BTK: variants seen among roughly 807,000 people sequenced by gnomAD.
BTK encodes tyrosine-protein kinase BTK.
BTK carries 5 observed loss-of-function variants against 57.4 expected under a neutral mutation model. The observed-to-expected ratio is 0.09, with a 90% CI of 0.05 to 0.18. BTK has a LOEUF of 0.18. Ranked by LOEUF, BTK falls within the 10% of genes least tolerant of loss-of-function variation. The pLI is 1.00. For missense variants in BTK, 194 were observed against 501.2 expected (o/e 0.39, Z 5.85); for synonymous variants, 154 against 174.3 (o/e 0.88, Z 0.92).
chrX:101,351,407 GA>G (rs782199480), intron 18 of BTK, among the ~76,000 whole-genome samples: 163 of 111,955 alleles, frequency 1.5e-3, no homozygotes, highest in Non-Finnish European at 2.5e-3. Flanking sequence ...TTAATTAGCA[GA>G]GTAAGAAGGT....
chrX:101,356,773 C>G lies in BTK; in HGVS notation c.1349+11G>C. On this transcript the variant is annotated intron_variant, in intron 14 of 18. Coordinates refer to ENST00000308731, the MANE Select transcript of BTK (RefSeq NM_000061.3). Reference sequence around the variant, plus strand: ...AAATAGATTGAGAGTTGAGTTTGGGCTATAACTCACATCATGACTTTGGCT... The same window carrying G: ...AAATAGATTGAGAGTTGAGTTTGGGGTATAACTCACATCATGACTTTGGCT... 1 of 1,211,335 alleles carries G rather than the reference C, an allele frequency of 8.3e-7. No individual in the cohort carries two copies. The highest frequency in any genetic ancestry group is 2.3e-4 in the Middle Eastern group (1 of 4,354).
intron 18 of BTK, among the ~76,000 whole-genome samples, chrX:101,351,236 C>T (rs782307769): frequency 8.9e-5 from 10 of 112,050 alleles, no homozygotes; most frequent in African/African-American, 1.6e-4. Flanking sequence ...CCACGTGATC[C>T]GCTTGCCTTG....
intron 1 of BTK, among the ~76,000 whole-genome samples, chrX:101,376,332 A>G (rs1329720674): frequency 8.9e-6 from 1 of 112,400 alleles, no homozygotes; most frequent in Non-Finnish European, 1.9e-5. Context: ...ATGCTGTCAT[A>G]AAAATAGAAC....
Position 101,349,901 on chromosome X carries a change from A to G in BTK, c.1964T>C (p.Met655Thr). 8.3e-7 allele frequency: 1 copy of G among 1,209,444 alleles called. No homozygotes were observed. Among genetic ancestry groups the G allele is most frequent in the Non-Finnish European group, 1.1e-6 (1 of 893,698 alleles). The part of the protein sequence containing the change: ...KILLSNILDV[M>T]DEES ...TTGGCGAGCTCAGGATTCTTCATCC[A>G]TGACATCTAGAATATTGCTCAGAAG... Residue 655 changes from methionine to threonine, a missense_variant, in exon 19 of 19, where the codon ATG (methionine) becomes ACG (threonine). Met to Thr is a moderately conservative substitution (Grantham distance 81). This residue lies in a region of BTK where 79 missense variants were observed against 217.7 expected (regional missense o/e 0.36). Coordinates refer to ENST00000308731, the MANE Select transcript of BTK (RefSeq NM_000061.3).
rs1159166329 is a variant in BTK at position 101,386,052 on chromosome X, C to G, written c.-31+10G>C. The G allele has an allele frequency of 2.7e-5, 3 of 111,356 alleles. No individual in the cohort carries two copies. The highest frequency in any genetic ancestry group is 5.7e-5 in the Non-Finnish European group (3 of 53,041). The allele number at this position is 111,356 out of a possible 1,213,427, so 9.2% of individuals were successfully genotyped here. A position where few individuals can be genotyped will look rare whatever the true frequency, so the allele number is the denominator to read the frequency against. On this transcript the variant is annotated intron_variant, in intron 1 of 18. Coordinates refer to ENST00000308731, the MANE Select transcript of BTK (RefSeq NM_000061.3). ...GCTGCTGCCCAGCCCCTGCCATACC[C>G]CAGACCCACCTCAGTCCTGACTTAA...
rs1555976755 is a variant in BTK at position 101,349,905 on chromosome X, C to T, written c.1960G>A (p.Val654Ile). Residue 654 changes from valine to isoleucine, a missense_variant, in exon 19 of 19, where the codon GTC becomes ATC. By Grantham distance (29) the Val-to-Ile change is conservative. Around this residue, in one of 3 missense-constraint regions of BTK, gnomAD observed 79 missense variants for 217.7 expected, o/e 0.36. Transcript: ENST00000308731. ...CGAGCTCAGGATTCTTCATCCATGACATCTAGAATATTGCTCAGAAGAATT... is the reference window on the plus strand; with the variant it reads ...CGAGCTCAGGATTCTTCATCCATGATATCTAGAATATTGCTCAGAAGAATT... ...FKILLSNILD[V>I]MDEES 1 of 1,209,510 alleles carries T rather than the reference C, an allele frequency of 8.3e-7. No individual in the cohort carries two copies. The highest frequency in any genetic ancestry group is 2.2e-5 in the Admixed American group (1 of 45,901).
chrX:101,359,125 G>A (rs1335826685), intron 10 of BTK, among the ~76,000 whole-genome samples, 168 bp downstream of exon 10: 1 of 111,675 alleles, frequency 9.0e-6, no homozygotes, highest in African/African-American at 3.3e-5. Context: ...GTGACAGACC[G>A]AGAGTCCGTC....
intron 15 of BTK, chrX:101,355,557 T>TCTCGGTGGTCGCCGTATCA: frequency 7.5e-6 from 1 of 132,809 alleles, no homozygotes. Flanking sequence ...ACGGTGTAGA[T>TCTCGGTGGTCGCCGTATCA]TTTCAAGAGA....
intron 3 of BTK, among the ~76,000 whole-genome samples, chrX:101,371,934 T>C (rs1273842188): frequency 8.9e-6 from 1 of 112,086 alleles, no homozygotes; most frequent in Non-Finnish European, 1.9e-5. Context: ...TGGAGGTTTC[T>C]AAAAAATTGT....
In BTK at chrX:101,368,008, C is replaced by T. The variant is rs1483293309; in HGVS notation, c.391+1990G>A. 4.5e-5 allele frequency among the ~76,000 whole-genome samples: 5 copies of T among 112,007 alleles called. No homozygotes were observed. The Admixed American group carries it at 4.8e-4, about 11-fold the overall frequency. ...CTTATCCCAGTCTCTGCAAATATTT[C>T]TGTGGCTGGAGATAGTATATTGGTT... On this transcript the variant is annotated intron_variant, in intron 5 of 18. Transcript: ENST00000308731.
At position 101,375,237 on chromosome X, in the gene BTK, C is replaced by T. The variant is rs782558778; in HGVS notation, c.48G>A (p.Gln16=). ...AGTTTAGAGGTGATGTTTTCTTTTT[C>T]TGTTGGGATCGCTTCAGAAAGATGC... is the stretch of plus-strand genomic sequence containing the variant. The part of the protein sequence containing the change: ...LESIFLKRSQ[Q]KKKTSPLNFK... Residue 16 remains glutamine, a synonymous_variant, in exon 2 of 19, where the codon CAG becomes CAA. Coordinates refer to ENST00000308731, the MANE Select transcript of BTK (RefSeq NM_000061.3). 8.3e-7 allele frequency: 1 copy of T among 1,211,559 alleles called. No homozygotes were observed. The highest frequency in any genetic ancestry group is 1.8e-5 in the South Asian group (1 of 56,996).
At chrX:101,371,606 G>A (rs376991800) in intron 4 of BTK, 27 bp downstream of exon 4, 62 of 1,183,143 alleles carry the variant, frequency 5.2e-5, no homozygotes, top group Non-Finnish European at 6.5e-5. Flanking sequence ...GGGGCCTTTC[G>A]AGATTTGGTG....
intron 3 of BTK, among the ~76,000 whole-genome samples, chrX:101,373,816 C>T (rs782798115): frequency 5.4e-5 from 6 of 111,195 alleles, no homozygotes; most frequent in East Asian, 5.6e-4. Context: ...CCGAGACAGG[C>T]GGATCACTTG....
At chrX:101,365,647 G>A (rs1926828456) in intron 5 of BTK, among the ~76,000 whole-genome samples, 1 of 112,365 alleles carries the variant, frequency 8.9e-6, no homozygotes, top group Non-Finnish European at 1.9e-5. Context: ...ATATTTATGA[G>A]GTTAATGTCT....
Position 101,374,587 on chromosome X carries a change from A to G in BTK, c.189T>C (p.Cys63=), listed in dbSNP as rs782683829. 2.5e-6 allele frequency: 3 copies of G among 1,210,016 alleles called. No individual in the cohort carries two copies. The East Asian group carries it at 8.9e-5, about 36-fold the overall frequency. ...KGSIDVEKIT[C]VETVVPEKNP... is the part of the protein sequence containing the mutation. ...TTTTTTCAGGAACCACTGTTTCAAC[A>G]CAAGTGATCTTCTCAACATCTATTG... Residue 63 remains cysteine, a synonymous_variant, in exon 3 of 19, where the codon TGT becomes TGC. Coordinates refer to ENST00000308731, the MANE Select transcript of BTK (RefSeq NM_000061.3).
At chrX:101,374,823 A>G (rs996769332) in intron 2 of BTK, among the ~76,000 whole-genome samples, 189 bp from the exon 3 acceptor site, 6 of 111,740 alleles carry the variant, frequency 5.4e-5, no homozygotes, top group Non-Finnish European at 1.1e-4. Context: ...ATACCATGGA[A>G]GAGTGAATGA....
intron 5 of BTK, among the ~76,000 whole-genome samples, chrX:101,363,598 C>T (rs1172867996): frequency 1.1e-4 from 12 of 107,975 alleles, no homozygotes; most frequent in African/African-American, 3.4e-4. Flanking sequence ...CCCAGCTACT[C>T]GGGAGGCTGA....
At chrX:101,351,886 G>A (rs781975013) in intron 18 of BTK, among the ~76,000 whole-genome samples, 18 of 112,001 alleles carry the variant, frequency 1.6e-4, no homozygotes, top group African/African-American at 4.9e-4. Flanking sequence ...TCATTTAGCC[G>A]GGCGCTGTGG....
chrX:101,359,484 T>G, intron 9 of BTK, 137 bp from the exon 10 acceptor site: 2 of 628,306 alleles, frequency 3.2e-6, no homozygotes, highest in Non-Finnish European at 5.4e-6. Flanking sequence ...GTCATGTGCA[T>G]AGCACACTGT....
Sources: allele counts gnomAD v4.1 joint callset (sites outside exome capture counted in the v4.1 genomes callset), GRCh38; gene constraint gnomAD v4.1.1; regional missense constraint gnomAD v4.1.1; transcripts MANE v1.5; gene names NCBI Gene and HGNC (gene_info 2026-07-23, HGNC 2026-07-21).